The following CAB39 variants were observed in gnomAD, a reference collection of about 807,000 sequenced individuals.
The protein encoded by CAB39 is calcium binding protein 39, also known as calcium-binding protein 39.
CAB39 carries 8 observed loss-of-function variants against 40.0 expected under a neutral mutation model. The observed-to-expected ratio is 0.20, with a 90% CI of 0.12 to 0.36. The LOEUF is 0.36. Ranked by LOEUF, CAB39 falls within the 10% of genes least tolerant of loss-of-function variation. The probability of loss-of-function intolerance (pLI) is 1.00; values close to 1 mark genes in which losing one functional copy is unlikely to be tolerated. For missense variants in CAB39, 270 were observed against 401.1 expected (o/e 0.67, Z 2.79); for synonymous variants, 156 against 141.6 (o/e 1.10, Z -0.72).
At chr2:230,793,507 T>C (rs1361798308) in intron 4 of CAB39, among the ~76,000 whole-genome samples, 176 bp downstream of exon 4, 1 of 152,252 alleles carries the variant, frequency 6.6e-6, no homozygotes, top group African/African-American at 2.4e-5. Context: ...AAATTGAATT[T>C]GAAAATGCCC....
intron 1 of CAB39, among the ~76,000 whole-genome samples, chr2:230,735,854 AAT>A (rs1694780491): frequency 1.3e-5 from 2 of 152,230 alleles, no homozygotes; most frequent in African/African-American, 4.8e-5. Flanking sequence ...TTTAGACTTT[AAT>A]ATCTGTAATG....
intron 1 of CAB39, among the ~76,000 whole-genome samples, chr2:230,719,934 A>G (rs1694416606): frequency 6.6e-6 from 1 of 152,246 alleles, no homozygotes; most frequent in African/African-American, 2.4e-5. Flanking sequence ...AGTTGGTCAG[A>G]TGGTAGTGTT....
chr2:230,741,478 T>G (rs1374872528), intron 1 of CAB39, among the ~76,000 whole-genome samples: 2 of 152,210 alleles, frequency 1.3e-5, no homozygotes, highest in East Asian at 3.9e-4. Flanking sequence ...TGGCTTGGAC[T>G]GGGATAAGGT....
At chr2:230,725,197 G>A (rs886669797) in intron 1 of CAB39, 3 of 1,605,210 alleles carry the variant, frequency 1.9e-6, no homozygotes, top group African/African-American at 2.7e-5. Flanking sequence ...GCTTGGCGCT[G>A]GCGCCACAAG....
chr2:230,743,719 C>T (rs1694923466), intron 1 of CAB39, among the ~76,000 whole-genome samples: 1 of 152,128 alleles, frequency 6.6e-6, no homozygotes, highest in Non-Finnish European at 1.5e-5. Flanking sequence ...ACTGAGCAAA[C>T]TACCTTTCTT....
At chr2:230,759,663 C>G (rs1394863446) in intron 1 of CAB39, among the ~76,000 whole-genome samples, 1 of 152,204 alleles carries the variant, frequency 6.6e-6, no homozygotes, top group Non-Finnish European at 1.5e-5. Flanking sequence ...AGCTGCTGCT[C>G]TCTACCTCAG....
chr2:230,728,754 C>T (rs755112430), intron 1 of CAB39, among the ~76,000 whole-genome samples: 6 of 152,190 alleles, frequency 3.9e-5, no homozygotes, highest in Non-Finnish European at 7.3e-5. Flanking sequence ...GGGCTACAGG[C>T]ATGTGCCACC....
intron 1 of CAB39, among the ~76,000 whole-genome samples, chr2:230,715,989 G>A (rs1356548574): frequency 1.1e-4 from 16 of 152,200 alleles, no homozygotes; most frequent in Admixed American, 1.0e-3. Flanking sequence ...GAGCCACCAC[G>A]CTTGCCTGGA....
chr2:230,782,336 GTTAT>G lies in CAB39; in HGVS notation c.115-8533_115-8530del, dbSNP rs546110808. Among the ~76,000 whole-genome samples, 27 of 151,916 alleles carry G rather than the reference GTTAT, an allele frequency of 1.8e-4. 1 individual carries two copies. The East Asian group carries it at 4.4e-3, about 25-fold the overall frequency. On this transcript the variant is annotated intron_variant, in intron 2 of 8. Transcript: ENST00000258418. ...GCTTATAATTGTCCATGGTTATTTG[GTTAT>G]TTGTTAGAAATCTTTAAAATGTGGG...
intron 1 of CAB39, among the ~76,000 whole-genome samples, chr2:230,727,129 A>G (rs186961993): frequency 6.6e-6 from 1 of 152,142 alleles, no homozygotes; most frequent in Non-Finnish European, 1.5e-5. Flanking sequence ...CAACTTTGGA[A>G]GAGCTAATCA....
chr2:230,751,232 A>G (rs1695080253), intron 1 of CAB39, among the ~76,000 whole-genome samples: 1 of 152,214 alleles, frequency 6.6e-6, no homozygotes, highest in Admixed American at 6.5e-5. Flanking sequence ...TTCGTGAGTC[A>G]GATCTAACAC....
chr2:230,743,982 C>T (rs1044243709), intron 1 of CAB39, among the ~76,000 whole-genome samples: 1 of 149,688 alleles, frequency 6.7e-6, no homozygotes, highest in Non-Finnish European at 1.5e-5. Flanking sequence ...TGCAATGGCA[C>T]GATCTCAGCT....
rs79467659 is a variant in CAB39, at chr2:230,805,239, G to A, written c.568-5024G>A. Among the ~76,000 whole-genome samples the A allele has an allele frequency of 3.3e-5, 5 of 151,868 alleles. No individual in the cohort carries two copies. In the South Asian group the frequency reaches 8.4e-4, roughly 25 times the overall value. On this transcript the variant is annotated intron_variant, in intron 5 of 8. Transcript: ENST00000258418. ...CACAGGGCGGGGAACATCAAACACCGGGGCCTGTCATGGGGTGGCGGGGTG... is the reference window on the plus strand; with the variant it reads ...CACAGGGCGGGGAACATCAAACACCAGGGCCTGTCATGGGGTGGCGGGGTG...
At chr2:230,725,049 A>C (rs561408524) in intron 1 of CAB39, 1 of 1,428,016 alleles carries the variant, frequency 7.0e-7, no homozygotes, top group South Asian at 1.2e-5. Flanking sequence ...GTACAACAAT[A>C]GCAATCTTTT....
At chr2:230,780,956 C>A (rs1695676206) in intron 2 of CAB39, among the ~76,000 whole-genome samples, 1 of 151,884 alleles carries the variant, frequency 6.6e-6, no homozygotes. Context: ...GTGGTGTGTA[C>A]CTGTAGTCCC....
intron 2 of CAB39, among the ~76,000 whole-genome samples, chr2:230,767,719 C>G (rs865780086): frequency 1.6e-4 from 25 of 152,278 alleles, no homozygotes; most frequent in African/African-American, 5.5e-4. Context: ...CAACTCCTGC[C>G]CTGAGCAATG....
At chr2:230,800,130 C>T (rs377561542) in intron 5 of CAB39, among the ~76,000 whole-genome samples, 1 of 152,118 alleles carries the variant, frequency 6.6e-6, no homozygotes. Context: ...GAAGTGGCCA[C>T]CTTTCTTCTG....
chr2:230,774,961 G>C (rs182670708), intron 2 of CAB39, among the ~76,000 whole-genome samples: 1 of 152,120 alleles, frequency 6.6e-6, no homozygotes, highest in African/African-American at 2.4e-5. Flanking sequence ...AACAGTATCT[G>C]TCAGTTCACT....
chr2:230,794,439 G>A (rs115145872), intron 4 of CAB39, among the ~76,000 whole-genome samples: 1 of 152,282 alleles, frequency 6.6e-6, no homozygotes, highest in African/African-American at 2.4e-5. Flanking sequence ...GCCTTTGTGT[G>A]TTTTTAAAGC....
Sources: allele counts gnomAD v4.1 joint callset (sites outside exome capture counted in the v4.1 genomes callset), GRCh38; gene constraint gnomAD v4.1.1; transcripts MANE v1.5; gene names NCBI Gene and HGNC (gene_info 2026-07-23, HGNC 2026-07-21).